Variants in TTLL11 observed in about 807,000 individuals in gnomAD.
TTLL11 encodes tubulin polyglutamylase TTLL11.
TTLL11 carries 42 observed loss-of-function variants against 51.7 expected under a neutral mutation model. The ratio of observed to expected loss-of-function variants is 0.81; its 90% CI spans 0.64 to 1.05. TTLL11 has a LOEUF of 1.05. Among genes scored for constraint, TTLL11 ranks in the 50% least tolerant of loss-of-function variants. The pLI is 0.00. For missense variants in TTLL11, 799 were observed against 940.4 expected (o/e 0.85, Z 1.97); for synonymous variants, 381 against 383.5 (o/e 0.99, Z 0.08).
chr9:122,040,169 T>G (rs998245960), intron 1 of TTLL11, among the ~76,000 whole-genome samples: 3 of 152,102 alleles, frequency 2.0e-5, no homozygotes, highest in Non-Finnish European at 4.4e-5. Context: ...AGACAGCCAG[T>G]CTGCTGAGAG....
intron 6 of TTLL11, among the ~76,000 whole-genome samples, chr9:121,942,717 C>A (rs1841523745): frequency 1.3e-5 from 2 of 151,444 alleles, no homozygotes; most frequent in South Asian, 4.2e-4. Context: ...TCCCTCCCTC[C>A]TCACGTTTCT....
intron 4 of TTLL11, among the ~76,000 whole-genome samples, chr9:121,984,515 C>A (rs1842900025): frequency 6.6e-6 from 1 of 152,116 alleles, no homozygotes; most frequent in African/African-American, 2.4e-5. Context: ...ACTTGCCAAG[C>A]AGACCAGCTA....
chr9:121,885,486 A>G (rs950003283), intron 6 of TTLL11: 2 of 152,250 alleles, frequency 1.3e-5, no homozygotes, highest in African/African-American at 4.8e-5. Context: ...CTGTGTGCTA[A>G]GCACATCCTC....
chr9:121,875,691 T>C (rs373658529), intron 6 of TTLL11, among the ~76,000 whole-genome samples: 2 of 152,352 alleles, frequency 1.3e-5, no homozygotes, highest in South Asian at 2.1e-4. Context: ...ATCACAAATA[T>C]GTAAGATCCT....
At position 121,848,290 on chromosome 9, in the gene TTLL11, C is replaced by CA. The variant is rs534269963; in HGVS notation, c.1840+12046dup. Among the ~76,000 whole-genome samples, 218 of 151,636 alleles carry CA rather than the reference C, an allele frequency of 1.4e-3. 1 individual carries two copies. Among genetic ancestry groups the CA allele is most frequent in the African/African-American group, 5.0e-3 (205 of 41,358 alleles). On this transcript the variant is annotated intron_variant, in intron 8 of 8. Coordinates refer to ENST00000321582, the MANE Select transcript of TTLL11 (RefSeq NM_001139442.2). ...CCTCAACTTGATAAAGCAATATCTA[C>CA]AAAAAAATCTTATAGTTTAATGGAA...
intron 6 of TTLL11, among the ~76,000 whole-genome samples, chr9:121,953,637 A>C (rs973735439): frequency 8.1e-5 from 10 of 123,616 alleles, no homozygotes; most frequent in African/African-American, 3.1e-4. Flanking sequence ...CGCCTCAAAA[A>C]AAAAAAAAAA....
chr9:121,923,885 T>C (rs1840625887), intron 6 of TTLL11, among the ~76,000 whole-genome samples: 1 of 152,198 alleles, frequency 6.6e-6, no homozygotes, highest in African/African-American at 2.4e-5. Context: ...CCAAATTTCA[T>C]CTTGAGTTGT....
rs1038458201 is a variant in TTLL11 at position 121,870,407 on chromosome 9, C to T, written c.1733+90G>A. 62 of 1,466,386 alleles carry T rather than the reference C, an allele frequency of 4.2e-5. No homozygotes were observed. In the East Asian group the frequency reaches 1.2e-3, roughly 28 times the overall value. The allele number at this position is 1,466,386 out of a possible 1,614,324, so 90.8% of individuals were successfully genotyped here. A position where few individuals can be genotyped will look rare whatever the true frequency, so the allele number is the denominator to read the frequency against. ...ACTGACCCAGCACCACAGATTCTCC[C>T]GAGCGCAGTCAGGGAGACCCGCCAG... On this transcript the variant is annotated intron_variant, in intron 7 of 8. Coordinates refer to ENST00000321582, the MANE Select transcript of TTLL11 (RefSeq NM_001139442.2).
chr9:121,999,776 C>T (rs1843406348), intron 3 of TTLL11, among the ~76,000 whole-genome samples: 1 of 152,184 alleles, frequency 6.6e-6, no homozygotes, highest in African/African-American at 2.4e-5. Flanking sequence ...GTGATTCAAC[C>T]TCATACTATT....
intron 1 of TTLL11, among the ~76,000 whole-genome samples, chr9:122,062,255 C>T (rs1374608006): frequency 6.6e-6 from 1 of 152,150 alleles, no homozygotes; most frequent in East Asian, 1.9e-4. Flanking sequence ...TTCACCACAT[C>T]ACACAGGGGC....
chr9:122,072,509 T>A (rs1018138876), intron 1 of TTLL11, among the ~76,000 whole-genome samples: 1 of 152,140 alleles, frequency 6.6e-6, no homozygotes, highest in Admixed American at 6.5e-5. Flanking sequence ...CAGGGTGTGA[T>A]GGCACACACC....
At chr9:122,042,063 G>A (rs1192954109) in intron 1 of TTLL11, among the ~76,000 whole-genome samples, 2 of 147,074 alleles carry the variant, frequency 1.4e-5, no homozygotes, top group Non-Finnish European at 3.0e-5. Flanking sequence ...AGGCTGGAGT[G>A]CAGTGGTACA....
chr9:121,948,842 A>C (rs868643409), intron 6 of TTLL11, among the ~76,000 whole-genome samples: 14 of 152,340 alleles, frequency 9.2e-5, no homozygotes, highest in Admixed American at 2.6e-4. Context: ...TTCCCACTGC[A>C]GGAAGCTAGT....
chr9:122,054,918 C>G (rs1304551462), intron 1 of TTLL11, among the ~76,000 whole-genome samples: 4 of 152,180 alleles, frequency 2.6e-5, no homozygotes, highest in Non-Finnish European at 5.9e-5. Flanking sequence ...AAAGTCACAC[C>G]TGACTTCTCT....
At chr9:122,089,243 C>T (rs1336415129) in intron 1 of TTLL11, among the ~76,000 whole-genome samples, 4 of 152,252 alleles carry the variant, frequency 2.6e-5, no homozygotes, top group Middle Eastern at 3.4e-3. Flanking sequence ...AGCCAGCCAC[C>T]TGAGTACTCC....
At chr9:121,980,813 T>C (rs1355356214) in intron 4 of TTLL11, among the ~76,000 whole-genome samples, 10 of 152,238 alleles carry the variant, frequency 6.6e-5, no homozygotes, top group Admixed American at 3.3e-4. Flanking sequence ...ATATACGCCA[T>C]GGAATACTAT....
At chr9:121,871,317 GAAAA>G (rs1433516305) in intron 6 of TTLL11, among the ~76,000 whole-genome samples, 2 of 151,924 alleles carry the variant, frequency 1.3e-5, no homozygotes, top group Non-Finnish European at 2.9e-5. Context: ...TGATATTCAA[GAAAA>G]CTAGCAGCTA....
chr9:121,871,498 G>A (rs1040430125), intron 6 of TTLL11, among the ~76,000 whole-genome samples: 2 of 152,138 alleles, frequency 1.3e-5, no homozygotes, highest in Non-Finnish European at 2.9e-5. Flanking sequence ...TCCTCAGCTA[G>A]TTCTGCCTCC....
chr9:122,032,794 T>C (rs1844590952), intron 2 of TTLL11, among the ~76,000 whole-genome samples: 1 of 146,824 alleles, frequency 6.8e-6, no homozygotes, highest in Non-Finnish European at 1.5e-5. Flanking sequence ...TATTTCATTT[T>C]TTCTTTTTTT....
Sources: allele counts gnomAD v4.1 joint callset (sites outside exome capture counted in the v4.1 genomes callset), GRCh38; gene constraint gnomAD v4.1.1; transcripts MANE v1.5; gene names NCBI Gene and HGNC (gene_info 2026-07-23, HGNC 2026-07-21).